TTLL2: variants seen among roughly 807,000 people sequenced by gnomAD.
The protein encoded by TTLL2 is probable tubulin polyglutamylase TTLL2.
TTLL2 carries 10 observed loss-of-function variants against 7.5 expected under a neutral mutation model. The observed-to-expected ratio is 1.33, with a 90% CI of 0.82 to 2.25. The LOEUF (loss-of-function observed/expected upper bound fraction) is 2.25. Among genes scored for constraint, TTLL2 ranks in the 30% most tolerant of loss-of-function variants. TTLL2 has a pLI of 0.00. For synonymous variants in TTLL2, 284 were observed against 280.3 expected, an observed-to-expected ratio of 1.01 and a Z score of -0.13; for missense variants, 733 against 735.7, an observed-to-expected ratio of 1.00 and a Z score of 0.04.
At chr6:167,329,299 T>C (rs1778890072) in intron 1 of TTLL2, among the ~76,000 whole-genome samples, 1 of 152,142 alleles carries the variant, frequency 6.6e-6, no homozygotes, top group South Asian at 2.1e-4. Context: ...TCAGAGACTA[T>C]CATGACTCAA....
At position 167,336,945 on chromosome 6, in the gene TTLL2, C is replaced by T. The variant is rs550944937; in HGVS notation, c.48-1702C>T. 2.6e-5 allele frequency among the ~76,000 whole-genome samples: 4 copies of T among 152,328 alleles called. No individual in the cohort carries two copies. The South Asian group carries it at 8.3e-4, about 32-fold the overall frequency. The stretch of plus-strand genomic sequence containing the variant: ...GGGGGCTCCTCCCCACCTCTGTCCC[C>T]CGCCCTGGGATGATGGCCAATCAGG... On this transcript the variant is annotated intron_variant, in intron 1 of 2. Transcript: ENST00000239587.
At chr6:167,327,413 C>T (rs1274814570) in intron 1 of TTLL2, among the ~76,000 whole-genome samples, 6 of 152,218 alleles carry the variant, frequency 3.9e-5, no homozygotes, top group Non-Finnish European at 7.3e-5. Context: ...GCTTTTGCAT[C>T]TTTGCAGCCA....
chr6:167,341,092 T>C lies in TTLL2; in HGVS notation c.1192T>C (p.Ser398Pro). 1 of 1,613,994 alleles carries C rather than the reference T, an allele frequency of 6.2e-7. No homozygotes were observed. The highest frequency in any genetic ancestry group is 8.5e-7 in the Non-Finnish European group (1 of 1,180,002). Residue 398 changes from serine (S) to proline (P), a missense_variant, in exon 3 of 3, where the codon TCA (serine) becomes CCA (proline). Coordinates refer to ENST00000239587, the MANE Select transcript of TTLL2 (RefSeq NM_031949.5). ...NYSPALTLDC[S>P]TDVLVKRKLV... ...CAGCCCAGCCTTGACCTTGGATTGT[T>C]CAACAGATGTGTTGGTGAAGAGAAA...
At chr6:167,334,885 A>G (rs1213951128) in intron 1 of TTLL2, among the ~76,000 whole-genome samples, 1 of 31,394 alleles carries the variant, frequency 3.2e-5, no homozygotes, top group East Asian at 6.8e-4. Context: ...AAACCTAGGC[A>G]TTACCATTCA....
At position 167,336,732 on chromosome 6, in the gene TTLL2, G is replaced by A. The variant is rs370805347; in HGVS notation, c.48-1915G>A. Among the ~76,000 whole-genome samples the A allele has an allele frequency of 3.5e-4, 53 of 152,270 alleles. 1 individual carries two copies. Among genetic ancestry groups the A allele is most frequent in the African/African-American group, 1.3e-3 (53 of 41,530 alleles). On this transcript the variant is annotated intron_variant, in intron 1 of 2. Coordinates refer to ENST00000239587, the MANE Select transcript of TTLL2 (RefSeq NM_031949.5). Reference sequence around the variant, plus strand: ...GTGCAGAACTAAAAATTGCACTGAAGAGCTTGTGGTCTTGTTTGTTCCAAA... The same window carrying A: ...GTGCAGAACTAAAAATTGCACTGAAAAGCTTGTGGTCTTGTTTGTTCCAAA...
intron 1 of TTLL2, among the ~76,000 whole-genome samples, chr6:167,328,779 C>T (rs953646809): frequency 4.6e-5 from 7 of 152,186 alleles, no homozygotes; most frequent in Non-Finnish European, 1.0e-4. Flanking sequence ...GTGGCAACAA[C>T]TCTGTTTAAT....
At position 167,341,213 on chromosome 6, in the gene TTLL2, A is replaced by G; in HGVS notation, c.1313A>G (p.Asp438Gly). The G allele has an allele frequency of 6.2e-7, 1 of 1,613,666 alleles. No individual in the cohort carries two copies. The highest frequency in any genetic ancestry group is 8.5e-7 in the Non-Finnish European group (1 of 1,179,988). ...GCCACACATGGAAATTCCAACATCG[A>G]CGCTGCAAAAAGTGACAGAGGTGGG... is the stretch of plus-strand genomic sequence containing the variant. ...SNATHGNSNI[D>G]AAKSDRGGLD... The change falls in exon 3 of 3, where the codon GAC (aspartate) becomes GGC (glycine). Residue 438 changes from aspartate (D) to glycine (G), a missense_variant. Physicochemically the swap from Asp to Gly is moderately conservative, Grantham distance 94. Transcript: ENST00000239587.
chr6:167,328,802 A>G (rs958471361), intron 1 of TTLL2, among the ~76,000 whole-genome samples: 2 of 152,102 alleles, frequency 1.3e-5, no homozygotes, highest in Non-Finnish European at 1.5e-5. Flanking sequence ...CCAGGATCTC[A>G]GAGTTTACAT....
At position 167,341,671 on chromosome 6, in the gene TTLL2, C is replaced by T. The variant is rs779670182; in HGVS notation, c.1771C>T (p.His591Tyr). The T allele has an allele frequency of 9.4e-6, 15 of 1,603,804 alleles. No individual in the cohort carries two copies. Among genetic ancestry groups the T allele is most frequent in the Non-Finnish European group, 1.2e-5 (14 of 1,176,502 alleles). ...QELQKLMNKQ[H>Y]S is the part of the protein sequence containing the mutation. Reference sequence around the variant, plus strand: ...GCTCCAGAAACTAATGAATAAGCAACATTCCTAAGTGGTAAAAAATCAAAT... The same window carrying T: ...GCTCCAGAAACTAATGAATAAGCAATATTCCTAAGTGGTAAAAAATCAAAT... Residue 591 changes from histidine to tyrosine, a missense_variant, in exon 3 of 3, where the codon CAT becomes TAT. By Grantham distance (83) the His-to-Tyr change is moderately conservative (BLOSUM62 2). Coordinates refer to ENST00000239587, the MANE Select transcript of TTLL2 (RefSeq NM_031949.5).
chr6:167,333,233 C>T, intron 1 of TTLL2, among the ~76,000 whole-genome samples: 1 of 99,002 alleles, frequency 1.0e-5, no homozygotes, highest in African/African-American at 4.4e-5. Flanking sequence ...TGTTTATATG[C>T]TGGATTACAT....
At chr6:167,329,731 A>G (rs975161722) in intron 1 of TTLL2, among the ~76,000 whole-genome samples, 1 of 152,180 alleles carries the variant, frequency 6.6e-6, no homozygotes, top group Non-Finnish European at 1.5e-5. Context: ...GGGCCTAGCC[A>G]GGACCCAGCC....
rs984362688 is a variant in TTLL2, at chr6:167,331,882, G to A, written c.47+6662G>A. Among the ~76,000 whole-genome samples, 12 of 152,204 alleles carry A rather than the reference G, an allele frequency of 7.9e-5. No individual in the cohort carries two copies. In the South Asian group the frequency reaches 8.3e-4, roughly 11 times the overall value. On this transcript the variant is annotated intron_variant, in intron 1 of 2. Coordinates refer to ENST00000239587, the MANE Select transcript of TTLL2 (RefSeq NM_031949.5). ...TTTCTATACGCCGCTTTACTTTTAC[G>A]TCTGTAAATTTGTTCTGACGACGAG... is the stretch of plus-strand genomic sequence containing the variant.
chr6:167,341,351 C>T lies in TTLL2; in HGVS notation c.1451C>T (p.Pro484Leu), dbSNP rs571247760. Residue 484 changes from proline (P) to leucine (L), a missense_variant, in exon 3 of 3, where the codon CCT (proline) becomes CTT (leucine). Physicochemically the swap from Pro to Leu is moderately conservative, Grantham distance 98. Coordinates refer to ENST00000239587, the MANE Select transcript of TTLL2 (RefSeq NM_031949.5). ...GTGAGTGTGCGTCCTGAAGCTGCACCTGCCTCCCAGCTGGAAGGAGAGATG... is the reference window on the plus strand; with the variant it reads ...GTGAGTGTGCGTCCTGAAGCTGCACTTGCCTCCCAGCTGGAAGGAGAGATG... ...KAVSVRPEAAPASQLEGEMSG... is the reference protein window; with the variant it reads ...KAVSVRPEAALASQLEGEMSG... The T allele has an allele frequency of 3.1e-6, 5 of 1,613,706 alleles. No individual in the cohort carries two copies. The highest frequency in any genetic ancestry group is 4.2e-6 in the Non-Finnish European group (5 of 1,180,016).
In TTLL2 at chr6:167,340,139, C is replaced by T. The variant is rs1779052978; in HGVS notation, c.239C>T (p.Ser80Leu). 2 of 1,598,204 alleles carry T rather than the reference C, an allele frequency of 1.3e-6. No individual in the cohort carries two copies. The highest frequency in any genetic ancestry group is 1.3e-5 in the African/African-American group (1 of 74,526). The change falls in exon 3 of 3, where the codon TCA (serine) becomes TTA (leucine). Residue 80 changes from serine to leucine, a missense_variant. Coordinates refer to ENST00000239587, the MANE Select transcript of TTLL2 (RefSeq NM_031949.5). ...KPHLMAEDEP[S>L]GALLKPLVFR... The stretch of plus-strand genomic sequence containing the variant: ...CATTTGATGGCGGAAGATGAACCTT[C>T]AGGGGCCCTCTTGAAGCCGCTGGTT...
At chr6:167,328,212 G>A (rs1258663279) in intron 1 of TTLL2, 1 of 443,300 alleles carries the variant, frequency 2.3e-6, no homozygotes, top group Non-Finnish European at 4.5e-6. Context: ...GTCGGCTAAG[G>A]AGGCTGCCGT....
In TTLL2 at chr6:167,338,824, G is replaced by GTTCGTTCCTTCCTTCC. The variant is rs377001028; in HGVS notation, c.204+24_204+25insGTTCCTTCCTTCCTTC. 4.5e-5 allele frequency: 48 copies of GTTCGTTCCTTCCTTCC among 1,061,216 alleles called. No individual in the cohort carries two copies. In the East Asian group the frequency reaches 1.4e-3, roughly 31 times the overall value. 65.7% of individuals were successfully genotyped at this position (1,061,216 alleles called of 1,614,324 possible). A position where few individuals can be genotyped will look rare whatever the true frequency, so the allele number is the denominator to read the frequency against. ...AGAAGGTGGGTGGGCAAGCCAGGTA[G>GTTCGTTCCTTCCTTCC]TTCCTTCCTTCCTTCCTTCCTTCCT... On this transcript the variant is annotated intron_variant, in intron 2 of 2. Transcript: ENST00000239587.
chr6:167,340,198 CA>C lies in TTLL2; in HGVS notation c.301del (p.Ser101AlafsTer32). On this transcript the variant is annotated frameshift_variant, in exon 3 of 3. Coordinates refer to ENST00000239587, the MANE Select transcript of TTLL2 (RefSeq NM_031949.5). LOFTEE classifies it low-confidence loss of function (END_TRUNC). Reference sequence around the variant, plus strand: ...TGACGAGACCACCCCGGCTGTGGTGCAAAGCGTCCTCCTGGAGAGGGGGTGG... The same window carrying C: ...TGACGAGACCACCCCGGCTGTGGTGCAAGCGTCCTCCTGGAGAGGGGGTGG... Reference protein sequence around the residue: ...RVDETTPAVVQSVLLERGWNK... With the variant: ...RVDETTPAVVXSVLLERGWNK... 1 of 1,613,966 alleles carries C rather than the reference CA, an allele frequency of 6.2e-7. No homozygotes were observed. The highest frequency in any genetic ancestry group is 8.5e-7 in the Non-Finnish European group (1 of 1,179,948).
intron 1 of TTLL2, chr6:167,328,322 A>C (rs1778873158): frequency 3.1e-6 from 1 of 318,014 alleles, no homozygotes; most frequent in African/African-American, 2.2e-5. Context: ...GCAGTGATGG[A>C]ATACATTATT....
Position 167,341,205 on chromosome 6 carries a change from C to T in TTLL2, c.1305C>T (p.Ser435=), listed in dbSNP as rs1325588151. 2 of 1,613,646 alleles carry T rather than the reference C, an allele frequency of 1.2e-6. No homozygotes were observed. The highest frequency in any genetic ancestry group is 1.7e-6 in the Non-Finnish European group (2 of 1,179,990). Residue 435 remains serine, a synonymous_variant, in exon 3 of 3, where the codon TCC becomes TCT. Coordinates refer to ENST00000239587, the MANE Select transcript of TTLL2 (RefSeq NM_031949.5). ...CCAGTAATGCCACACATGGAAATTC[C>T]AACATCGACGCTGCAAAAAGTGACA... ...REASNATHGN[S]NIDAAKSDRG... is the part of the protein sequence containing the mutation.
Sources: allele counts gnomAD v4.1 joint callset (sites outside exome capture counted in the v4.1 genomes callset), GRCh38; gene constraint gnomAD v4.1.1; transcripts MANE v1.5; gene names NCBI Gene and HGNC (gene_info 2026-07-23, HGNC 2026-07-21).